Variants in SVOPL observed in about 807,000 individuals in gnomAD.
SVOPL encodes the protein putative transporter SVOPL.
In SVOPL, 60 loss-of-function variants were observed where a neutral mutation model predicts 61.0. That is an observed-to-expected ratio of 0.98 (90% CI 0.80 to 1.22). The LOEUF is 1.22. SVOPL is among the 50% of genes most tolerant of loss of function. SVOPL has a pLI of 0.00. For missense variants in SVOPL, 662 were observed against 643.9 expected (o/e 1.03, Z -0.30); for synonymous variants, 279 against 250.0 (o/e 1.12, Z -1.09).
chr7:138,619,979 C>T (rs1364040327), intron 14 of SVOPL, among the ~76,000 whole-genome samples: 1 of 152,126 alleles, frequency 6.6e-6, no homozygotes, highest in Non-Finnish European at 1.5e-5. Context: ...ACCACAGGCA[C>T]CAGACAGAGA....
chr7:138,664,085 C>T, intron 4 of SVOPL: 1 of 483,246 alleles, frequency 2.1e-6, no homozygotes, highest in Non-Finnish European at 2.7e-6. Context: ...ACTGCAGAGA[C>T]AGAAACCTGT....
intron 1 of SVOPL, among the ~76,000 whole-genome samples, chr7:138,688,036 C>T (rs902603649): frequency 2.0e-5 from 3 of 152,106 alleles, no homozygotes; most frequent in African/African-American, 7.2e-5. Flanking sequence ...CTCTTGACCT[C>T]GTGATCCACC....
At chr7:138,672,178 A>G in intron 3 of SVOPL, 61 bp from the exon 4 acceptor site, 1 of 1,465,434 alleles carries the variant, frequency 6.8e-7, no homozygotes, top group Non-Finnish European at 9.4e-7. Flanking sequence ...TTCTTCTCAT[A>G]TCTGCCTGCC....
chr7:138,679,700 G>A (rs1000294716), intron 1 of SVOPL, among the ~76,000 whole-genome samples: 1 of 152,142 alleles, frequency 6.6e-6, no homozygotes, highest in Non-Finnish European at 1.5e-5. Context: ...TTGTTGTGAT[G>A]ATTAAATGAG....
chr7:138,697,678 A>AAAGAAGAGGAAGAAGAAGAGGAAG (rs140367568), intron 1 of SVOPL, among the ~76,000 whole-genome samples: 1 of 147,188 alleles, frequency 6.8e-6, no homozygotes, highest in South Asian at 2.2e-4. Context: ...AGAAGGAGGA[A>AAAGAAGAGGAAGAAGAAGAGGAAG]AAGAAGAGGA....
At chr7:138,640,617 C>T (rs574534590) in intron 9 of SVOPL, among the ~76,000 whole-genome samples, 6 of 152,306 alleles carry the variant, frequency 3.9e-5, no homozygotes, top group African/African-American at 1.4e-4. Context: ...TTTACAACAA[C>T]ATGGATGCAG....
intron 4 of SVOPL, among the ~76,000 whole-genome samples, chr7:138,666,907 C>T (rs1270385140): frequency 6.6e-6 from 1 of 152,180 alleles, no homozygotes; most frequent in African/African-American, 2.4e-5. Flanking sequence ...ACCTGTCCTT[C>T]TCCTCTTCCA....
intron 12 of SVOPL, 55 bp downstream of exon 12, chr7:138,627,295 G>A: frequency 7.5e-7 from 1 of 1,339,190 alleles, no homozygotes; most frequent in South Asian, 1.2e-5. Flanking sequence ...CATGGGTCAG[G>A]AGACTCCATT....
intron 8 of SVOPL, among the ~76,000 whole-genome samples, chr7:138,647,113 C>T (rs1430051935): frequency 6.6e-6 from 1 of 152,336 alleles, no homozygotes; most frequent in East Asian, 1.9e-4. Flanking sequence ...CAGTGGCTCA[C>T]ACCTGCAATC....
intron 14 of SVOPL, among the ~76,000 whole-genome samples, chr7:138,616,542 G>A (rs1017105263): frequency 1.3e-5 from 2 of 152,050 alleles, no homozygotes; most frequent in African/African-American, 2.4e-5. Context: ...CTCCATGTTG[G>A]TCAGGCTGGT....
rs184361927 is a variant in SVOPL, at chr7:138,639,356, G to A, written c.789+5361C>T. ...ATTAAAAGAATATCGGCTGGGCACA[G>A]TGGCTCATGCCTGTAATCCCAGCAC... On this transcript the variant is annotated intron_variant, in intron 9 of 15. Coordinates refer to ENST00000674285, the MANE Select transcript of SVOPL (RefSeq NM_001139456.2). Among the ~76,000 whole-genome samples the A allele has an allele frequency of 1.2e-3, 177 of 152,246 alleles. 3 individuals carry two copies. In the South Asian group the frequency reaches 0.02, roughly 17 times the overall value.
intron 1 of SVOPL, among the ~76,000 whole-genome samples, chr7:138,694,079 G>A (rs1387131067): frequency 1.3e-5 from 2 of 152,188 alleles, no homozygotes; most frequent in African/African-American, 2.4e-5. Context: ...ATAGGCACTC[G>A]AACTATTGGC....
chr7:138,614,608 C>T (rs1187385034), intron 14 of SVOPL, among the ~76,000 whole-genome samples: 1 of 152,036 alleles, frequency 6.6e-6, no homozygotes, highest in African/African-American at 2.4e-5. Flanking sequence ...ATTGGCCAGG[C>T]TGGTCTTGAA....
intron 1 of SVOPL, among the ~76,000 whole-genome samples, chr7:138,700,441 C>T (rs372632578): frequency 5.4e-5 from 8 of 149,172 alleles, no homozygotes; most frequent in South Asian, 2.1e-4. Context: ...CGGGTTCAAG[C>T]GATTCTTCTG....
At chr7:138,697,105 G>A (rs1803079764) in intron 1 of SVOPL, among the ~76,000 whole-genome samples, 1 of 152,130 alleles carries the variant, frequency 6.6e-6, no homozygotes, top group Admixed American at 6.6e-5. Context: ...GCATGGTGGT[G>A]CATACCTGTA....
At chr7:138,673,580 G>A (rs769952996) in intron 3 of SVOPL, among the ~76,000 whole-genome samples, 15 of 152,178 alleles carry the variant, frequency 9.9e-5, no homozygotes, top group Non-Finnish European at 1.6e-4. Flanking sequence ...AGGAGGCAGA[G>A]GTTGCAGTGA....
intron 13 of SVOPL, among the ~76,000 whole-genome samples, chr7:138,623,883 G>A (rs943305300): frequency 2.0e-5 from 3 of 151,776 alleles, no homozygotes; most frequent in East Asian, 3.9e-4. Context: ...GCAGTGGCTC[G>A]GTTTCGACTC....
At chr7:138,652,616 CTT>C (rs80311372) in intron 7 of SVOPL, among the ~76,000 whole-genome samples, 117,255 of 151,532 alleles carry the variant, frequency 0.77, 46,196 homozygotes, top group Middle Eastern at 0.86. Flanking sequence ...AGGAAAAGTT[CTT>C]TTTTTTTTTC....
At position 138,602,043 on chromosome 7, in the gene SVOPL, A is replaced by T. The variant is rs141090385; in HGVS notation, c.1354-5513T>A. 7.0e-4 allele frequency among the ~76,000 whole-genome samples: 107 copies of T among 152,338 alleles called. 1 individual carries two copies. The highest frequency in any genetic ancestry group is 2.5e-3 in the African/African-American group (104 of 41,596). On this transcript the variant is annotated intron_variant, in intron 14 of 15. Transcript: ENST00000674285. Reference sequence around the variant, plus strand: ...GGGCTCAATAACTGTATGTTAAATGATTAAAATAGTTGCACATAAGCTGGG... The same window carrying T: ...GGGCTCAATAACTGTATGTTAAATGTTTAAAATAGTTGCACATAAGCTGGG...
Sources: allele counts gnomAD v4.1 joint callset (sites outside exome capture counted in the v4.1 genomes callset), GRCh38; gene constraint gnomAD v4.1.1; transcripts MANE v1.5; gene names NCBI Gene and HGNC (gene_info 2026-07-23, HGNC 2026-07-21).